The following NMNAT2 variants were observed in gnomAD, a reference collection of about 807,000 sequenced individuals.
NMNAT2 encodes the protein nicotinamide nucleotide adenylyltransferase 2.
Under a neutral mutation model 41.6 loss-of-function variants are expected in NMNAT2, and 11 were observed. The ratio of observed to expected loss-of-function variants is 0.26; its 90% CI spans 0.17 to 0.44. The LOEUF (loss-of-function observed/expected upper bound fraction) is 0.44. Among genes scored for constraint, NMNAT2 ranks in the 20% least tolerant of loss-of-function variants. NMNAT2 has a pLI of 1.00. For synonymous variants in NMNAT2, 148 were observed against 151.2 expected (o/e 0.98, Z 0.16); for missense variants, 288 against 407.7 (o/e 0.71, Z 2.53).
At chr1:183,374,039 G>A (rs1663617981) in intron 1 of NMNAT2, among the ~76,000 whole-genome samples, 1 of 152,144 alleles carries the variant, frequency 6.6e-6, no homozygotes, top group South Asian at 2.1e-4. Flanking sequence ...CAATAACTCA[G>A]GTGTTGGATA....
chr1:183,299,549 GC>G (rs1661793212), intron 1 of NMNAT2, among the ~76,000 whole-genome samples: 1 of 151,896 alleles, frequency 6.6e-6, no homozygotes, highest in South Asian at 2.1e-4. Context: ...GGACATTTCG[GC>G]TCATGCTTAT....
chr1:183,369,293 T>G (rs907864461), intron 1 of NMNAT2, among the ~76,000 whole-genome samples: 1 of 151,838 alleles, frequency 6.6e-6, no homozygotes, highest in African/African-American at 2.4e-5. Flanking sequence ...TATTTATTTA[T>G]TTTTGACGGC....
At chr1:183,287,671 C>T (rs983799706) in intron 4 of NMNAT2, among the ~76,000 whole-genome samples, 5 of 152,200 alleles carry the variant, frequency 3.3e-5, no homozygotes, top group Admixed American at 2.6e-4. Flanking sequence ...GGACAAATTC[C>T]CAATCTGTTT....
chr1:183,317,049 C>A (rs957197524), intron 1 of NMNAT2, among the ~76,000 whole-genome samples: 4 of 152,136 alleles, frequency 2.6e-5, no homozygotes, highest in Non-Finnish European at 4.4e-5. Context: ...TAATAAGAGC[C>A]CCCAATGTCT....
chr1:183,365,423 A>G (rs906744359), intron 1 of NMNAT2, among the ~76,000 whole-genome samples: 3 of 152,078 alleles, frequency 2.0e-5, no homozygotes, highest in East Asian at 1.9e-4. Context: ...CCAGCCTCCA[A>G]TGTGATAGAG....
At chr1:183,256,353 G>A (rs1236087465) in intron 10 of NMNAT2, among the ~76,000 whole-genome samples, 2 of 152,122 alleles carry the variant, frequency 1.3e-5, no homozygotes, top group Non-Finnish European at 2.9e-5. Flanking sequence ...AGGTTGCAGT[G>A]AGCAGAGATT....
At chr1:183,369,666 A>G (rs1663489705) in intron 1 of NMNAT2, among the ~76,000 whole-genome samples, 1 of 152,028 alleles carries the variant, frequency 6.6e-6, no homozygotes, top group South Asian at 2.1e-4. Context: ...GGCATTAAGT[A>G]TATTGCCACT....
At chr1:183,376,362 A>G (rs916359677) in intron 1 of NMNAT2, among the ~76,000 whole-genome samples, 2 of 152,238 alleles carry the variant, frequency 1.3e-5, no homozygotes, top group Non-Finnish European at 2.9e-5. Context: ...AAAAACAGCC[A>G]GGCTCTACAG....
intron 1 of NMNAT2, among the ~76,000 whole-genome samples, chr1:183,399,998 G>A (rs1648765328): frequency 2.0e-5 from 3 of 152,110 alleles, no homozygotes; most frequent in African/African-American, 7.2e-5. Flanking sequence ...TTTGAAAACT[G>A]GCACAAGAAA....
intron 1 of NMNAT2, among the ~76,000 whole-genome samples, chr1:183,317,086 G>A (rs1250770295): frequency 1.3e-5 from 2 of 152,288 alleles, no homozygotes; most frequent in Non-Finnish European, 2.9e-5. Flanking sequence ...CTCTAAAATG[G>A]GAATTCCAGT....
intron 1 of NMNAT2, among the ~76,000 whole-genome samples, chr1:183,403,934 A>G (rs1363390721): frequency 2.6e-5 from 4 of 152,162 alleles, no homozygotes; most frequent in Admixed American, 2.6e-4. Flanking sequence ...CTTGTCACCA[A>G]ACAGGATTTG....
At chr1:183,296,679 A>AT (rs1661708501) in intron 1 of NMNAT2, among the ~76,000 whole-genome samples, 1 of 151,822 alleles carries the variant, frequency 6.6e-6, no homozygotes, top group Non-Finnish European at 1.5e-5. Flanking sequence ...TACCCAGCTA[A>AT]TTTTTTTATT....
chr1:183,405,800 A>C (rs1455037551), intron 1 of NMNAT2, among the ~76,000 whole-genome samples: 1 of 152,264 alleles, frequency 6.6e-6, no homozygotes, highest in Non-Finnish European at 1.5e-5. Context: ...TTCAGAATTC[A>C]GAAACGCTTA....
chr1:183,367,006 G>A (rs777748917), intron 1 of NMNAT2, among the ~76,000 whole-genome samples: 82 of 152,098 alleles, frequency 5.4e-4, no homozygotes, highest in Non-Finnish European at 1.1e-3. Flanking sequence ...ATGCTTACTT[G>A]ATTTCACATG....
chr1:183,293,509 C>CT (rs893210052), intron 2 of NMNAT2, among the ~76,000 whole-genome samples, 196 bp downstream of exon 2: 3 of 152,260 alleles, frequency 2.0e-5, no homozygotes, highest in African/African-American at 7.2e-5. Context: ...TTTCCAGCTA[C>CT]TGCTTCAACG....
intron 1 of NMNAT2, among the ~76,000 whole-genome samples, chr1:183,299,652 T>TAA (rs201365352): frequency 2.9e-5 from 4 of 140,028 alleles, no homozygotes; most frequent in African/African-American, 5.2e-5. Flanking sequence ...CTCTGTCTCT[T>TAA]AAAAAAAAAA....
intron 1 of NMNAT2, among the ~76,000 whole-genome samples, chr1:183,397,690 T>C (rs377114468): frequency 2.0e-5 from 3 of 152,162 alleles, no homozygotes; most frequent in Non-Finnish European, 4.4e-5. Context: ...AAGGGAAGCC[T>C]ATCAGACTAA....
At chr1:183,352,231 T>A (rs1324188185) in intron 1 of NMNAT2, among the ~76,000 whole-genome samples, 2 of 152,112 alleles carry the variant, frequency 1.3e-5, no homozygotes, top group East Asian at 1.9e-4. Context: ...AGCTTCTGAT[T>A]ACCAATTTAA....
At chr1:183,376,182 A>G (rs1663674764) in intron 1 of NMNAT2, among the ~76,000 whole-genome samples, 1 of 152,214 alleles carries the variant, frequency 6.6e-6, no homozygotes, top group Admixed American at 6.5e-5. Flanking sequence ...TAATGTACTG[A>G]TATAATAAAT....
Sources: allele counts gnomAD v4.1 joint callset (sites outside exome capture counted in the v4.1 genomes callset), GRCh38; gene constraint gnomAD v4.1.1; transcripts MANE v1.5; gene names NCBI Gene and HGNC (gene_info 2026-07-23, HGNC 2026-07-21).